The following PDE1C variants were observed in gnomAD, a reference collection of about 807,000 sequenced individuals.
PDE1C encodes the protein phosphodiesterase 1C.
A neutral mutation model predicts 93.1 loss-of-function variants in PDE1C; 62 were observed. The ratio of observed to expected loss-of-function variants is 0.67; its 90% CI spans 0.54 to 0.82. The LOEUF (loss-of-function observed/expected upper bound fraction) is 0.82. Among genes scored for constraint, PDE1C ranks in the 40% least tolerant of loss-of-function variants. PDE1C has a pLI of 0.00. For synonymous variants in PDE1C, 325 were observed against 310.1 expected, an observed-to-expected ratio of 1.05 and a Z score of -0.50; for missense variants, 742 against 884.6, an observed-to-expected ratio of 0.84 and a Z score of 2.04.
At chr7:32,056,106 T>C (rs781403298) in intron 1 of PDE1C, among the ~76,000 whole-genome samples, 8 of 152,072 alleles carry the variant, frequency 5.3e-5, no homozygotes, top group Non-Finnish European at 1.0e-4. Flanking sequence ...CAAGATTTCA[T>C]GTAGCTAGAC....
intron 3 of PDE1C, among the ~76,000 whole-genome samples, chr7:32,130,262 CCA>C (rs1017247539): frequency 1.3e-5 from 2 of 152,080 alleles, no homozygotes; most frequent in African/African-American, 4.8e-5. Flanking sequence ...TGGAAAAATG[CCA>C]CAGAGTTTTT....
chr7:32,159,088 G>C (rs767711946), intron 3 of PDE1C, among the ~76,000 whole-genome samples: 5 of 152,028 alleles, frequency 3.3e-5, no homozygotes, highest in Non-Finnish European at 7.3e-5. Flanking sequence ...TATATGCATC[G>C]ATCTCTGTGA....
chr7:31,873,303 T>C lies in PDE1C; in HGVS notation c.598A>G (p.Ser200Gly). 7.5e-6 allele frequency: 12 copies of C among 1,604,340 alleles called. No homozygotes were observed. The highest frequency in any genetic ancestry group is 9.4e-6 in the Non-Finnish European group (11 of 1,171,622). The change falls in exon 6 of 18, where the codon AGC (serine) becomes GGC (glycine). Residue 200 changes from serine (S) to glycine (G), a missense_variant. Coordinates refer to ENST00000396191, the MANE Select transcript of PDE1C (RefSeq NM_001191057.4). ...YELLTRYDLISRFKIPISALV... is the reference protein window; with the variant it reads ...YELLTRYDLIGRFKIPISALV... ...AAAGAGGTACTGACCTTGAAACGGC[T>C]GATCAGATCATAACGTGTGAGTAGT...
chr7:31,770,763 G>T (rs1183109006), intron 17 of PDE1C, among the ~76,000 whole-genome samples: 1 of 152,072 alleles, frequency 6.6e-6, no homozygotes, highest in Non-Finnish European at 1.5e-5. Context: ...ACCCGCCTTG[G>T]CCTCCAAAAG....
chr7:32,235,417 CA>C lies in PDE1C; in HGVS notation c.86-25879del, dbSNP rs35521570. Among the ~76,000 whole-genome samples, 1,280 of 146,598 alleles carry C rather than the reference CA, an allele frequency of 8.7e-3. 22 individuals carry two copies. The highest frequency in any genetic ancestry group is 0.031 in the African/African-American group (1,231 of 40,346). Reference sequence around the variant, plus strand: ...CTATGTAGAAAATCCAAGGAATCTACAAAAAAAAAACTCCTAGAACTAATGA... The same window carrying C: ...CTATGTAGAAAATCCAAGGAATCTACAAAAAAAAACTCCTAGAACTAATGA... On this transcript the variant is annotated intron_variant, in intron 1 of 18. Coordinates refer to the PDE1C transcript ENST00000396193.
intron 3 of PDE1C, among the ~76,000 whole-genome samples, chr7:32,142,024 G>A (rs1037470173): frequency 3.3e-5 from 5 of 152,076 alleles, no homozygotes; most frequent in South Asian, 2.1e-4. Context: ...CATGTCTGTC[G>A]CTGACTCTGT....
At chr7:31,670,436 T>C in the PDE1C span, among the ~76,000 whole-genome samples, 1 of 152,322 alleles carries the variant, frequency 6.6e-6, no homozygotes, top group South Asian at 2.1e-4. Context: ...ATTATAAATC[T>C]GCTCCTGTCT....
intron 2 of PDE1C, among the ~76,000 whole-genome samples, chr7:31,937,053 T>C (rs1441554365): frequency 3.3e-5 from 5 of 152,150 alleles, no homozygotes; most frequent in Non-Finnish European, 1.5e-5. Context: ...TGACTGGCAA[T>C]TGTAGAAACA....
chr7:31,713,417 C>T, the PDE1C span, among the ~76,000 whole-genome samples: 498 of 152,292 alleles, frequency 3.3e-3, 5 homozygotes, highest in African/African-American at 0.011. Context: ...GGGTATAGTC[C>T]CCCCTGGCTG....
chr7:32,156,021 C>T (rs1314221935), intron 3 of PDE1C, among the ~76,000 whole-genome samples: 1 of 152,194 alleles, frequency 6.6e-6, no homozygotes, highest in East Asian at 1.9e-4. Context: ...TAAGTAACTG[C>T]CTCCCCCAAC....
chr7:32,051,476 A>G, intron 2 of PDE1C, 78 bp downstream of exon 2: 1 of 1,342,146 alleles, frequency 7.5e-7, no homozygotes, highest in Non-Finnish European at 1.1e-6. Context: ...TTACAGTTCC[A>G]GTCCACCATG....
rs566291299 is a variant in PDE1C, at chr7:32,317,645, T to G, written c.311-108106A>C. On this transcript the variant is annotated intron_variant, in intron 1 of 1. Transcript: ENST00000672256. Reference sequence around the variant, plus strand: ...CATAACCATACTCATGTCATTTTCATCCTACCCATAGCCATGTTAACGCAG... The same window carrying G: ...CATAACCATACTCATGTCATTTTCAGCCTACCCATAGCCATGTTAACGCAG... Among the ~76,000 whole-genome samples the G allele has an allele frequency of 2.6e-5, 4 of 152,232 alleles. No homozygotes were observed. In the East Asian group the frequency reaches 7.7e-4, roughly 29 times the overall value.
Position 31,949,496 on chromosome 7 carries a change from C to T in PDE1C, c.129-68636G>A, listed in dbSNP as rs541980371. Among the ~76,000 whole-genome samples the T allele has an allele frequency of 3.9e-5, 6 of 152,132 alleles. No individual in the cohort carries two copies. In the East Asian group the frequency reaches 9.7e-4, roughly 25 times the overall value. On this transcript the variant is annotated intron_variant, in intron 2 of 17. Coordinates refer to ENST00000396191, the MANE Select transcript of PDE1C (RefSeq NM_001191057.4). ...AAATAAATAAAAAAATAAATGACTGCCACTTTTCCTCTGTTCTTAGATATA... is the reference window on the plus strand; with the variant it reads ...AAATAAATAAAAAAATAAATGACTGTCACTTTTCCTCTGTTCTTAGATATA...
intron 1 of PDE1C, among the ~76,000 whole-genome samples, chr7:32,278,241 A>G (rs1458748742): frequency 6.6e-6 from 1 of 152,152 alleles, no homozygotes; most frequent in Non-Finnish European, 1.5e-5. Flanking sequence ...TAGAAAATCT[A>G]TTTAGTGGTG....
At chr7:31,878,570 A>G (rs1214401927) in intron 4 of PDE1C, among the ~76,000 whole-genome samples, 1 of 152,204 alleles carries the variant, frequency 6.6e-6, no homozygotes. Flanking sequence ...ATTTGATTTC[A>G]AAGAGTAAAA....
chr7:32,094,536 C>T (rs1392721197), intron 3 of PDE1C, among the ~76,000 whole-genome samples: 1 of 152,224 alleles, frequency 6.6e-6, no homozygotes, highest in African/African-American at 2.4e-5. Context: ...GAAAGAGAAG[C>T]AGCAGTTATT....
At chr7:32,028,974 C>T (rs1789878599) in intron 2 of PDE1C, among the ~76,000 whole-genome samples, 1 of 151,998 alleles carries the variant, frequency 6.6e-6, no homozygotes, top group Admixed American at 6.6e-5. Flanking sequence ...TTGGAGAAAA[C>T]ATTTGCAAGC....
At chr7:31,776,278 C>T (rs747721749) in intron 16 of PDE1C, among the ~76,000 whole-genome samples, 1 of 152,104 alleles carries the variant, frequency 6.6e-6, no homozygotes, top group African/African-American at 2.4e-5. Flanking sequence ...TGCAAAATGA[C>T]GAGAATGACA....
intron 17 of PDE1C, among the ~76,000 whole-genome samples, chr7:31,764,646 T>A (rs778851704): frequency 3.9e-5 from 6 of 152,186 alleles, no homozygotes; most frequent in Non-Finnish European, 8.8e-5. Context: ...TGGTAATTAT[T>A]TGAGTCACTC....
Sources: allele counts gnomAD v4.1 joint callset (sites outside exome capture counted in the v4.1 genomes callset), GRCh38; gene constraint gnomAD v4.1.1; transcripts MANE v1.5; gene names NCBI Gene and HGNC (gene_info 2026-07-23, HGNC 2026-07-21).